AHNAK2: variants seen among roughly 807,000 people sequenced by gnomAD.
AHNAK2 encodes AHNAK nucleoprotein 2.
AHNAK2 carries 18 observed loss-of-function variants against 30.7 expected under a neutral mutation model. That is an observed-to-expected ratio of 0.59 (90% CI 0.41 to 0.87). The LOEUF (loss-of-function observed/expected upper bound fraction) is 0.87, where lower values mean the gene tolerates loss of function less well. Ranked by LOEUF, AHNAK2 falls within the 40% of genes least tolerant of loss-of-function variation. The pLI is 0.00. For synonymous variants in AHNAK2, 3,590 were observed against 3,073.8 expected (o/e 1.17, Z -5.56); for missense variants, 8,604 against 7,373.0 (o/e 1.17, Z -6.11).
In AHNAK2 at chr14:104,940,707, C is replaced by A; in HGVS notation, c.14744G>T (p.Gly4915Val). 1 of 1,612,990 alleles carries A rather than the reference C, an allele frequency of 6.2e-7. No homozygotes were observed. Among genetic ancestry groups the A allele is most frequent in the East Asian group, 2.2e-5 (1 of 44,874 alleles). Residue 4915 changes from glycine (G) to valine (V), a missense_variant, in exon 7 of 7, where the codon GGC becomes GTC. Gly to Val is a moderately radical substitution (Grantham distance 109). Coordinates refer to ENST00000333244, the MANE Select transcript of AHNAK2 (RefSeq NM_138420.4). The surrounding 1 kb of genome is among the most constrained non-coding windows in gnomAD (Gnocchi z 4.4). Reference protein sequence around the residue: ...PLPSTQLPSPGTCVSQGPEEL... With the variant: ...PLPSTQLPSPVTCVSQGPEEL... ...TTCTGGGCCCTGAGACACACAGGTGCCTGGGGATGGCAGCTGGGTGCTTGG... is the reference window on the plus strand; with the variant it reads ...TTCTGGGCCCTGAGACACACAGGTGACTGGGGATGGCAGCTGGGTGCTTGG...
Position 104,953,364 on chromosome 14 carries a change from G to A in AHNAK2, c.2087C>T (p.Ala696Val), listed in dbSNP as rs565125904. The A allele has an allele frequency of 4.3e-6, 7 of 1,610,506 alleles. No homozygotes were observed. Among genetic ancestry groups the A allele is most frequent in the African/African-American group, 1.4e-5 (1 of 74,010 alleles). The change falls in exon 7 of 7, where the codon GCC becomes GTC. Residue 696 changes from alanine to valine, a missense_variant. Ala to Val is a moderately conservative substitution (Grantham distance 64). Transcript: ENST00000333244. ...CTTCGGCGCAGACACATCCACCGAG[G>A]CCTCCATGGACTTGCCTGGGGCTGA... ...GASAPGKSME[A>V]SVDVSAPKVE...
chr14:104,944,890 G>C lies in AHNAK2; in HGVS notation c.10561C>G (p.Leu3521Val). The change falls in exon 7 of 7, where the codon CTC becomes GTC. Residue 3521 changes from leucine (L) to valine (V), a missense_variant. Coordinates refer to ENST00000333244, the MANE Select transcript of AHNAK2 (RefSeq NM_138420.4). ...SMQGDLKATD[L>V]SIQPPSADLE... ...TCAGCGGAAGGGGGCTGAATGCTGAGGTCAGTGGCCTTGAGGTCCCCCTGC... is the reference window on the plus strand; with the variant it reads ...TCAGCGGAAGGGGGCTGAATGCTGACGTCAGTGGCCTTGAGGTCCCCCTGC... 6.2e-7 allele frequency: 1 copy of C among 1,613,186 alleles called. No individual in the cohort carries two copies. Among genetic ancestry groups the C allele is most frequent in the Non-Finnish European group, 8.5e-7 (1 of 1,179,648 alleles).
intron 1 of AHNAK2, among the ~76,000 whole-genome samples, chr14:104,963,499 AAC>A (rs372934745): frequency 1.7e-4 from 26 of 152,370 alleles, no homozygotes; most frequent in African/African-American, 5.5e-4. Context: ...TCTTAAACAG[AAC>A]ACACAAAAAA....
At chr14:104,976,632 C>T (rs1173202416) in intron 1 of AHNAK2, among the ~76,000 whole-genome samples, 1 of 152,172 alleles carries the variant, frequency 6.6e-6, no homozygotes, top group Non-Finnish European at 1.5e-5. Flanking sequence ...TCCCTAAGAG[C>T]GGATGGTTCC....
chr14:104,963,612 C>T (rs1261153740), intron 1 of AHNAK2, among the ~76,000 whole-genome samples: 3 of 152,056 alleles, frequency 2.0e-5, no homozygotes, highest in African/African-American at 7.2e-5. Context: ...GGGCGGATCA[C>T]GAGGTCAGGA....
In AHNAK2 at chr14:104,945,117, G is replaced by A. The variant is rs1334875475; in HGVS notation, c.10334C>T (p.Ala3445Val). The change falls in exon 7 of 7, where the codon GCC becomes GTC. Residue 3445 changes from alanine (A) to valine (V), a missense_variant. Physicochemically the swap from Ala to Val is moderately conservative, Grantham distance 64. Coordinates refer to ENST00000333244, the MANE Select transcript of AHNAK2 (RefSeq NM_138420.4). ...SLPSVEVDVQAPRAKLDGARL... is the reference protein window; with the variant it reads ...SLPSVEVDVQVPRAKLDGARL... ...CGCACCATCCAGCTTGGCTCTCGGG[G>A]CCTGGACGTCCACCTCCACGCTGGG... 5 of 1,613,042 alleles carry A rather than the reference G, an allele frequency of 3.1e-6. No homozygotes were observed. The Admixed American group carries it at 6.7e-5, about 22-fold the overall frequency.
rs1409543133 is a variant in AHNAK2, at chr14:104,950,264, G to C, written c.5187C>G (p.Gly1729=). The change falls in exon 7 of 7, where the codon GGC becomes GGG. Residue 1729 remains glycine (G), a synonymous_variant. Transcript: ENST00000333244. ...TGAAGCCGGCTCCCTCGGGAAGGGG[G>C]CCCTCCGGGAGTTTCACGTTCACTT... ...AGQVNVKLPE[G]PLPEGAGFKG... is the part of the protein sequence containing the mutation. 2 of 1,585,798 alleles carry C rather than the reference G, an allele frequency of 1.3e-6. No individual in the cohort carries two copies. Among genetic ancestry groups the C allele is most frequent in the East Asian group, 2.3e-5 (1 of 44,412 alleles).
chr14:104,945,163 G>A lies in AHNAK2; in HGVS notation c.10288C>T (p.Pro3430Ser), dbSNP rs376571290. 2.5e-6 allele frequency: 4 copies of A among 1,613,056 alleles called. No homozygotes were observed. Among genetic ancestry groups the A allele is most frequent in the Middle Eastern group, 1.7e-4 (1 of 6,056 alleles). The change falls in exon 7 of 7, where the codon CCT becomes TCT. Residue 3430 changes from proline (P) to serine (S), a missense_variant. Transcript: ENST00000333244. ...LKVPKAEVTV[P>S]DVEVSLPSVE... ...CTGGGCAGAGACACCTCCACATCAG[G>A]GACTGTCACTTCCGCCTTGGGGACT...
rs559134305 is a variant in AHNAK2 at position 104,955,477 on chromosome 14, T to C, written c.466+6A>G. 6 of 1,611,772 alleles carry C rather than the reference T, an allele frequency of 3.7e-6. No homozygotes were observed. Among genetic ancestry groups the C allele is most frequent in the East Asian group, 2.2e-5 (1 of 44,874 alleles). On this transcript the variant is annotated splice_donor_region_variant and intron_variant, in intron 5 of 6. Transcript: ENST00000333244. ...GGTGACCCCAGGGATGGAACTGCCA[T>C]GGCACCTTCTCTCAAGTTAAAAAGC...
rs1898751123 is a variant in AHNAK2 at position 104,952,019 on chromosome 14, C to A, written c.3432G>T (p.Arg1144=). ...CGGCCAGGGACAGTTCCCCCTCCAGCCGCGCACTGTCCAGCTTGGCTCCCG... is the reference window on the plus strand; with the variant it reads ...CGGCCAGGGACAGTTCCCCCTCCAGACGCGCACTGTCCAGCTTGGCTCCCG... The part of the protein sequence containing the change: ...EAPGAKLDSA[R]LEGELSLADK... The change falls in exon 7 of 7, where the codon CGG becomes CGT. Residue 1144 remains arginine (R), a synonymous_variant. Transcript: ENST00000333244. 6.2e-7 allele frequency: 1 copy of A among 1,612,428 alleles called. No individual in the cohort carries two copies.
chr14:104,950,771 T>C lies in AHNAK2; in HGVS notation c.4680A>G (p.Lys1560=), dbSNP rs537998642. 183 of 1,584,594 alleles carry C rather than the reference T, an allele frequency of 1.2e-4. 18 individuals carry two copies. The highest frequency in any genetic ancestry group is 5.6e-4 in the African/African-American group (41 of 72,964). The change falls in exon 7 of 7, where the codon AAA becomes AAG. Residue 1560 remains lysine (K), a synonymous_variant. Coordinates refer to ENST00000333244, the MANE Select transcript of AHNAK2 (RefSeq NM_138420.4). ...LEVQAGQVDV[K]LPEGPVSEGA... Reference sequence around the variant, plus strand: ...CCTCGGACACAGGGCCCTCTGGGAGTTTCACGTCCACTTGGCCAGCCTGGA... The same window carrying C: ...CCTCGGACACAGGGCCCTCTGGGAGCTTCACGTCCACTTGGCCAGCCTGGA...
At position 104,954,742 on chromosome 14, in the gene AHNAK2, C is replaced by A; in HGVS notation, c.709G>T (p.Gly237Trp). Reference sequence around the variant, plus strand: ...TTGGAGATGAGTCTCTCTTGGTCCCCATCTCCTTCCAGAGTTTTCGTGGGG... The same window carrying A: ...TTGGAGATGAGTCTCTCTTGGTCCCAATCTCCTTCCAGAGTTTTCGTGGGG... ...ETPTKTLEGD[G>W]DQERLISKPR... The change falls in exon 7 of 7, where the codon GGG becomes TGG. Residue 237 changes from glycine (G) to tryptophan (W), a missense_variant. By Grantham distance (184) the Gly-to-Trp change is radical. Transcript: ENST00000333244. The surrounding 1 kb of genome is among the most constrained non-coding windows in gnomAD (Gnocchi z 4.3). The A allele has an allele frequency of 6.2e-7, 1 of 1,604,918 alleles. No homozygotes were observed. Among genetic ancestry groups the A allele is most frequent in the Non-Finnish European group, 8.5e-7 (1 of 1,175,664 alleles).
chr14:104,939,608 G>A lies in AHNAK2; in HGVS notation c.15843C>T (p.His5281=). The A allele has an allele frequency of 6.2e-7, 1 of 1,613,884 alleles. No homozygotes were observed. Among genetic ancestry groups the A allele is most frequent in the Non-Finnish European group, 8.5e-7 (1 of 1,179,896 alleles). ...CDLDSTGLKL[H]LSTAGMTGDE... is the part of the protein sequence containing the mutation. Reference sequence around the variant, plus strand: ...CCCCAGTCATCCCAGCAGTGGAGAGGTGCAGCTTCAAGCCTGTGCTGTCAA... The same window carrying A: ...CCCCAGTCATCCCAGCAGTGGAGAGATGCAGCTTCAAGCCTGTGCTGTCAA... The change falls in exon 7 of 7, where the codon CAC becomes CAT. Residue 5281 remains histidine (H), a synonymous_variant. Transcript: ENST00000333244.
chr14:104,965,652 G>C (rs1269297884), intron 1 of AHNAK2, among the ~76,000 whole-genome samples: 1 of 152,192 alleles, frequency 6.6e-6, no homozygotes, highest in African/African-American at 2.4e-5. Context: ...GTTGCTGGTA[G>C]GACACTGATT....
At position 104,952,794 on chromosome 14, in the gene AHNAK2, G is replaced by C. The variant is rs1461857343; in HGVS notation, c.2657C>G (p.Pro886Arg). 6.2e-7 allele frequency: 1 copy of C among 1,612,494 alleles called. No individual in the cohort carries two copies. The highest frequency in any genetic ancestry group is 1.7e-5 in the Admixed American group (1 of 59,912). ...AGCCTGGACCTCCAGGTCAGCGGAAGGGGGCTGAATGCTGAGGTCAGTGGC... is the reference window on the plus strand; with the variant it reads ...AGCCTGGACCTCCAGGTCAGCGGAACGGGGCTGAATGCTGAGGTCAGTGGC... Reference protein sequence around the residue: ...LKATDLSIQPPSADLEVQAGQ... With the variant: ...LKATDLSIQPRSADLEVQAGQ... The change falls in exon 7 of 7, where the codon CCT becomes CGT. Residue 886 changes from proline to arginine, a missense_variant. Pro to Arg is a moderately radical substitution (Grantham distance 103). Coordinates refer to ENST00000333244, the MANE Select transcript of AHNAK2 (RefSeq NM_138420.4).
In AHNAK2 at chr14:104,937,454, G is replaced by A. The variant is rs969891956; in HGVS notation, c.*609C>T. Reference sequence around the variant, plus strand: ...ACTCACAGATGTCCTAGCTTCTGCTGGCCCAGCTGCCAGCCACTGGCCATC... The same window carrying A: ...ACTCACAGATGTCCTAGCTTCTGCTAGCCCAGCTGCCAGCCACTGGCCATC... On this transcript the variant is annotated 3_prime_UTR_variant, in exon 7 of 7. Coordinates refer to ENST00000333244, the MANE Select transcript of AHNAK2 (RefSeq NM_138420.4). The A allele has an allele frequency of 3.3e-5, 5 of 152,490 alleles. No homozygotes were observed. Among genetic ancestry groups the A allele is most frequent in the Non-Finnish European group, 7.3e-5 (5 of 68,268 alleles). 9.4% of individuals were successfully genotyped at this position (152,490 alleles called of 1,614,324 possible). A position where few individuals can be genotyped will look rare whatever the true frequency, so the allele number is the denominator to read the frequency against.
rs770828105 is a variant in AHNAK2 at position 104,952,391 on chromosome 14, C to A, written c.3060G>T (p.Leu1020Phe). 6.2e-7 allele frequency: 1 copy of A among 1,612,536 alleles called. No homozygotes were observed. Among genetic ancestry groups the A allele is most frequent in the Non-Finnish European group, 8.5e-7 (1 of 1,179,560 alleles). Residue 1020 changes from leucine (L) to phenylalanine (F), a missense_variant, in exon 7 of 7, where the codon TTG becomes TTT. By Grantham distance (22) the Leu-to-Phe change is conservative. Coordinates refer to ENST00000333244, the MANE Select transcript of AHNAK2 (RefSeq NM_138420.4). Reference sequence around the variant, plus strand: ...CCACCTTGGGTGCAGACACATCCACCAAGGCCTTGATGGACTTCCCTGGGG... The same window carrying A: ...CCACCTTGGGTGCAGACACATCCACAAAGGCCTTGATGGACTTCCCTGGGG... ...VSAPGKSIKA[L>F]VDVSAPKVEA...
chr14:104,945,469 G>A lies in AHNAK2; in HGVS notation c.9982C>T (p.Gln3328Ter). 6.2e-7 allele frequency: 1 copy of A among 1,610,668 alleles called. No homozygotes were observed. The highest frequency in any genetic ancestry group is 1.7e-4 in the Middle Eastern group (1 of 6,032). ...GGCGCAGACACATCCACCGAGGCCT[G>A]GATGGACTTGCCTGGGGCAGACGCC... ...YRASAPGKSIQASVDVSAPKA... is the reference protein window; with the variant it reads ...YRASAPGKSI The change falls in exon 7 of 7, where the codon CAG (glutamine) becomes TAG (stop). Residue 3328 changes from glutamine (Q) to a stop codon, truncating the protein, a stop_gained. Transcript: ENST00000333244. LOFTEE classifies it low-confidence loss of function (END_TRUNC).
At chr14:104,955,673 C>A (rs764052405) in intron 4 of AHNAK2, 40 bp from the exon 5 acceptor site, 14 of 1,597,662 alleles carry the variant, frequency 8.8e-6, no homozygotes, top group Non-Finnish European at 1.2e-5. Context: ...GAGCATGTGC[C>A]AGTCCCACCA....
Sources: gnomAD v4.1 joint callset for allele counts (sites outside exome capture counted in the v4.1 genomes callset) on GRCh38, gnomAD v4.1.1 for gene constraint, Gnocchi (gnomAD v3.1) non-coding constraint, MANE v1.5 for transcripts, NCBI Gene and HGNC (gene_info 2026-07-23, HGNC 2026-07-21) for gene names.